Variants in PRTG observed in about 807,000 individuals in gnomAD.
PRTG encodes immunoglobulin superfamily, DCC subclass, member 5.
A neutral mutation model predicts 122.5 loss-of-function variants in PRTG; 67 were observed. The ratio of observed to expected loss-of-function variants is 0.55; its 90% CI spans 0.45 to 0.67. The LOEUF (loss-of-function observed/expected upper bound fraction) is 0.67. Among genes scored for constraint, PRTG ranks in the 30% least tolerant of loss-of-function variants. PRTG has a pLI of 0.00. For missense variants in PRTG, 1,435 were observed against 1,415.4 expected (o/e 1.01, Z -0.22); for synonymous variants, 554 against 501.1 (o/e 1.11, Z -1.41).
At position 55,669,970 on chromosome 15, in the gene PRTG, T is replaced by A. The variant is rs186883975; in HGVS notation, c.2041+2475A>T. On this transcript the variant is annotated intron_variant, in intron 11 of 19. Coordinates refer to ENST00000389286, the MANE Select transcript of PRTG (RefSeq NM_173814.6). ...GATTTACCTCAAATAGCATACACAG[T>A]GGATTTTACAACATAAAAACAAGGG... is the stretch of plus-strand genomic sequence containing the variant. Among the ~76,000 whole-genome samples the A allele has an allele frequency of 2.6e-5, 4 of 152,344 alleles. No individual in the cohort carries two copies. The East Asian group carries it at 7.7e-4, about 29-fold the overall frequency.
At chr15:55,665,721 T>C (rs1329615134) in intron 11 of PRTG, among the ~76,000 whole-genome samples, 1 of 151,914 alleles carries the variant, frequency 6.6e-6, no homozygotes, top group Non-Finnish European at 1.5e-5. Flanking sequence ...AATTTTTGTA[T>C]TTTTAGTAGA....
At chr15:55,716,976 A>G (rs1293361183) in intron 2 of PRTG, among the ~76,000 whole-genome samples, 2 of 152,210 alleles carry the variant, frequency 1.3e-5, no homozygotes, top group African/African-American at 4.8e-5. Context: ...CATCAGGTAC[A>G]AAATGGAGTA....
intron 1 of PRTG, 109 bp downstream of exon 1, chr15:55,742,728 GA>G (rs1482973184): frequency 1.5e-6 from 2 of 1,355,864 alleles, no homozygotes; most frequent in African/African-American, 3.0e-5. Flanking sequence ...CGCCACCACG[GA>G]GGACCCCGCC....
At chr15:55,682,739 T>C (rs1389455103) in intron 3 of PRTG, among the ~76,000 whole-genome samples, 2 of 151,900 alleles carry the variant, frequency 1.3e-5, no homozygotes, top group Admixed American at 6.6e-5. Flanking sequence ...ATTTCTGTAT[T>C]TTTAGTAGAG....
At chr15:55,647,594 T>C (rs1257659959) in intron 11 of PRTG, among the ~76,000 whole-genome samples, 1 of 152,192 alleles carries the variant, frequency 6.6e-6, no homozygotes, top group Non-Finnish European at 1.5e-5. Flanking sequence ...TTTAAGAATA[T>C]TAAATGAAAT....
In PRTG at chr15:55,612,416, T is replaced by C. The variant is rs1400685956; in HGVS notation, c.*7596A>G. On this transcript the variant is annotated 3_prime_UTR_variant, in exon 20 of 20. Coordinates refer to ENST00000389286, the MANE Select transcript of PRTG (RefSeq NM_173814.6). ...ATCTGCAAAGCTGTTCAGAATAGTA[T>C]ATGGATAAGAAAAAAGGGAAAATAT... 2.0e-5 allele frequency: 3 copies of C among 151,790 alleles called. No individual in the cohort carries two copies. The highest frequency in any genetic ancestry group is 4.4e-5 in the Non-Finnish European group (3 of 67,884). The allele number at this position is 151,790 out of a possible 1,614,324, so 9.4% of individuals were successfully genotyped here. A position where few individuals can be genotyped will look rare whatever the true frequency, so the allele number is the denominator to read the frequency against.
intron 3 of PRTG, among the ~76,000 whole-genome samples, 195 bp from the exon 4 acceptor site, chr15:55,682,692 G>A (rs1240342149): frequency 6.6e-6 from 1 of 151,922 alleles, no homozygotes; most frequent in African/African-American, 2.4e-5. Flanking sequence ...AGCCTACCAA[G>A]CAGCTGGGAT....
chr15:55,687,786 C>T (rs1414474488), intron 2 of PRTG, among the ~76,000 whole-genome samples: 1 of 152,162 alleles, frequency 6.6e-6, no homozygotes, highest in African/African-American at 2.4e-5. Context: ...TTTGAAAATT[C>T]AATCCACTGG....
rs2059152135 is a variant in PRTG at position 55,618,904 on chromosome 15, G to A, written c.*1108C>T. ...AAGGCACTGTTACCATAATAACTTCGAGTTCATTTTACTGTCTACTGTTGC... is the reference window on the plus strand; with the variant it reads ...AAGGCACTGTTACCATAATAACTTCAAGTTCATTTTACTGTCTACTGTTGC... On this transcript the variant is annotated 3_prime_UTR_variant, in exon 20 of 20. Coordinates refer to ENST00000389286, the MANE Select transcript of PRTG (RefSeq NM_173814.6). The A allele has an allele frequency of 6.6e-6, 1 of 151,938 alleles. No homozygotes were observed. The highest frequency in any genetic ancestry group is 2.1e-4 in the South Asian group (1 of 4,800). The allele number at this position is 151,938 out of a possible 1,614,324, so 9.4% of individuals were successfully genotyped here.
intron 3 of PRTG, among the ~76,000 whole-genome samples, chr15:55,683,418 G>C (rs766053490): frequency 3.9e-5 from 6 of 152,114 alleles, no homozygotes; most frequent in Non-Finnish European, 8.8e-5. Context: ...GCAGAGACAG[G>C]AGTGGGCAGC....
chr15:55,738,081 T>TATAC (rs1475345373), intron 2 of PRTG: 1 of 141,740 alleles, frequency 7.1e-6, no homozygotes, highest in East Asian at 2.0e-4. Context: ...AATATATATA[T>TATAC]ATATATATAT....
At chr15:55,693,967 C>A (rs939490891) in intron 2 of PRTG, among the ~76,000 whole-genome samples, 3 of 152,074 alleles carry the variant, frequency 2.0e-5, no homozygotes, top group Non-Finnish European at 2.9e-5. Flanking sequence ...CAAAGGTATT[C>A]TAAAATTTAA....
At chr15:55,639,543 G>A in intron 13 of PRTG, 99 bp downstream of exon 13, 2 of 1,016,770 alleles carry the variant, frequency 2.0e-6, no homozygotes, top group Non-Finnish European at 2.9e-6. Context: ...ATGCTTACAG[G>A]TGAAGCCCGA....
At chr15:55,671,974 C>A (rs1485229283) in intron 11 of PRTG, among the ~76,000 whole-genome samples, 1 of 152,164 alleles carries the variant, frequency 6.6e-6, no homozygotes, top group Non-Finnish European at 1.5e-5. Flanking sequence ...GTTAGAGCTA[C>A]ATAAATATTC....
intron 11 of PRTG, among the ~76,000 whole-genome samples, chr15:55,669,552 T>G (rs1296688579): frequency 1.3e-5 from 2 of 152,198 alleles, no homozygotes; most frequent in Non-Finnish European, 2.9e-5. Flanking sequence ...TGCTAACACT[T>G]GCCTGCTTAG....
At chr15:55,676,263 C>T (rs557956881) in intron 8 of PRTG, among the ~76,000 whole-genome samples, 1 of 147,458 alleles carries the variant, frequency 6.8e-6, no homozygotes, top group Admixed American at 6.6e-5. Flanking sequence ...ATGCTTTGTC[C>T]CACAGTGAGT....
intron 2 of PRTG, among the ~76,000 whole-genome samples, chr15:55,735,385 T>C (rs887641089): frequency 1.3e-5 from 2 of 152,134 alleles, no homozygotes; most frequent in African/African-American, 2.4e-5. Context: ...TAACCTCAAA[T>C]GTATTTTATT....
chr15:55,738,414 G>T, intron 2 of PRTG: 1 of 687,948 alleles, frequency 1.5e-6, no homozygotes, highest in South Asian at 1.6e-5. Context: ...GGCTTCTCAG[G>T]AGGTCCTGGA....
At chr15:55,733,825 TCAA>T (rs1309493226) in intron 2 of PRTG, among the ~76,000 whole-genome samples, 3 of 152,092 alleles carry the variant, frequency 2.0e-5, no homozygotes, top group Non-Finnish European at 4.4e-5. Context: ...AGACTCTGAC[TCAA>T]CAACAAAAAC....
Sources: allele counts gnomAD v4.1 joint callset (sites outside exome capture counted in the v4.1 genomes callset), GRCh38; gene constraint gnomAD v4.1.1; transcripts MANE v1.5; gene names NCBI Gene and HGNC (gene_info 2026-07-23, HGNC 2026-07-21).